CDH12: variants seen among roughly 807,000 people sequenced by gnomAD.
CDH12 encodes cadherin-12.
In CDH12, 41 loss-of-function variants were observed where a neutral mutation model predicts 74.1. The ratio of observed to expected loss-of-function variants is 0.55; its 90% CI spans 0.43 to 0.72. The LOEUF is 0.72. Ranked by LOEUF, CDH12 falls within the 30% of genes least tolerant of loss-of-function variation. The probability of loss-of-function intolerance (pLI) is 0.00; values close to 1 mark genes in which losing one functional copy is unlikely to be tolerated. For missense variants in CDH12, 945 were observed against 977.2 expected, an observed-to-expected ratio of 0.97 and a Z score of 0.44; for synonymous variants, 399 against 355.0, an observed-to-expected ratio of 1.12 and a Z score of -1.39.
At chr5:22,692,901 A>G (rs372638000) in intron 1 of CDH12, among the ~76,000 whole-genome samples, 11 of 152,286 alleles carry the variant, frequency 7.2e-5, no homozygotes, top group African/African-American at 2.4e-4. Context: ...TGATGAACAA[A>G]CAGATATTTC....
intron 1 of CDH12, among the ~76,000 whole-genome samples, chr5:22,811,910 C>T (rs954735153): frequency 3.3e-5 from 5 of 152,022 alleles, no homozygotes; most frequent in Non-Finnish European, 5.9e-5. Context: ...ATGAAAAGAT[C>T]GAAGTTAGAG....
At chr5:22,666,697 T>A (rs2126906728) in intron 1 of CDH12, among the ~76,000 whole-genome samples, 1 of 152,280 alleles carries the variant, frequency 6.6e-6, no homozygotes, top group Admixed American at 6.5e-5. Context: ...TTACTTACCT[T>A]CAATGTATTC....
At chr5:22,637,150 T>A (rs77835385) in intron 1 of CDH12, among the ~76,000 whole-genome samples, 6 of 152,338 alleles carry the variant, frequency 3.9e-5, no homozygotes, top group Admixed American at 2.6e-4. Context: ...TTTAATGTAT[T>A]ATATTCATAC....
intron 5 of CDH12, among the ~76,000 whole-genome samples, chr5:22,043,505 G>T (rs1054908563): frequency 6.6e-6 from 1 of 152,030 alleles, no homozygotes; most frequent in African/African-American, 2.4e-5. Context: ...AACAGGGAAA[G>T]AAAGTTTTTC....
chr5:21,862,879 G>A (rs1003706266), intron 6 of CDH12, among the ~76,000 whole-genome samples: 3 of 152,026 alleles, frequency 2.0e-5, no homozygotes, highest in African/African-American at 7.2e-5. Context: ...AACAGGTTGA[G>A]GTCCTCACCT....
chr5:22,456,072 A>G (rs1475846777), intron 2 of CDH12, among the ~76,000 whole-genome samples: 1 of 151,158 alleles, frequency 6.6e-6, no homozygotes, highest in African/African-American at 2.4e-5. Context: ...GAGACACACA[A>G]TAGCACGCCA....
At chr5:21,769,488 A>G (rs1439049171) in intron 11 of CDH12, among the ~76,000 whole-genome samples, 1 of 152,126 alleles carries the variant, frequency 6.6e-6, no homozygotes, top group Non-Finnish European at 1.5e-5. Context: ...TAGTATATTA[A>G]TTACCCTTCT....
intron 3 of CDH12, among the ~76,000 whole-genome samples, chr5:22,244,804 A>G (rs144308371): frequency 4.8e-4 from 58 of 120,366 alleles, no homozygotes; most frequent in African/African-American, 1.6e-3. Context: ...AAGAAAGAAA[A>G]ATTCAAAGTA....
intron 1 of CDH12, chr5:22,580,465 G>T (rs758198896): frequency 2.6e-5 from 13 of 509,450 alleles, no homozygotes; most frequent in Admixed American, 4.1e-5. Flanking sequence ...GCGACTGCAT[G>T]CGTGTCAGAC....
intron 4 of CDH12, among the ~76,000 whole-genome samples, chr5:22,096,470 C>G (rs1409459123): frequency 1.3e-5 from 2 of 152,088 alleles, no homozygotes; most frequent in Non-Finnish European, 2.9e-5. Flanking sequence ...TTTCTACAGA[C>G]ACATCTCACC....
intron 2 of CDH12, among the ~76,000 whole-genome samples, chr5:22,495,513 A>G (rs1747070582): frequency 6.6e-6 from 1 of 152,154 alleles, no homozygotes; most frequent in Admixed American, 6.5e-5. Flanking sequence ...AGCAGCTTCC[A>G]TATGGGAGGG....
At chr5:22,504,406 T>C (rs1470321369) in intron 2 of CDH12, among the ~76,000 whole-genome samples, 1 of 152,054 alleles carries the variant, frequency 6.6e-6, no homozygotes, top group Non-Finnish European at 1.5e-5. Context: ...ACTTCAGAAA[T>C]ATGGGCATGC....
At chr5:21,863,415 T>A (rs190153243) in intron 6 of CDH12, among the ~76,000 whole-genome samples, 1 of 152,190 alleles carries the variant, frequency 6.6e-6, no homozygotes, top group Non-Finnish European at 1.5e-5. Context: ...CTTTCAAAAC[T>A]CAGTACATGT....
intron 8 of CDH12, among the ~76,000 whole-genome samples, chr5:21,820,283 T>A (rs1050492143): frequency 6.6e-5 from 10 of 152,026 alleles, no homozygotes; most frequent in Non-Finnish European, 1.5e-4. Flanking sequence ...CAATTTAAGT[T>A]AAATAGGGTG....
chr5:21,921,563 T>C (rs1187967799), intron 6 of CDH12, among the ~76,000 whole-genome samples: 1 of 152,190 alleles, frequency 6.6e-6, no homozygotes, highest in African/African-American at 2.4e-5. Context: ...TATAACTCCT[T>C]TTTGAATTCA....
chr5:21,765,271 AT>A (rs1744958676), intron 11 of CDH12, among the ~76,000 whole-genome samples, 172 bp from the exon 12 acceptor site: 1 of 152,132 alleles, frequency 6.6e-6, no homozygotes, highest in Non-Finnish European at 1.5e-5. Context: ...GATCCTTTTT[AT>A]CTTTAGAATT....
At chr5:22,584,800 A>G (rs1249760271) in intron 1 of CDH12, among the ~76,000 whole-genome samples, 1 of 152,178 alleles carries the variant, frequency 6.6e-6, no homozygotes, top group Admixed American at 6.5e-5. Flanking sequence ...AATAAAATAC[A>G]TATACTGAAC....
intron 1 of CDH12, among the ~76,000 whole-genome samples, chr5:22,605,308 A>G (rs905583470): frequency 6.6e-6 from 1 of 152,132 alleles, no homozygotes; most frequent in Non-Finnish European, 1.5e-5. Context: ...CTCTTTCTCT[A>G]TATACATTCT....
At chr5:22,534,471 T>A (rs1012111257) in intron 1 of CDH12, among the ~76,000 whole-genome samples, 2 of 152,174 alleles carry the variant, frequency 1.3e-5, no homozygotes, top group Admixed American at 6.5e-5. Flanking sequence ...CATTCCTGAG[T>A]TTCTTCACTT....
Sources: allele counts gnomAD v4.1 joint callset (sites outside exome capture counted in the v4.1 genomes callset), GRCh38; gene constraint gnomAD v4.1.1; transcripts MANE v1.5; gene names NCBI Gene and HGNC (gene_info 2026-07-23, HGNC 2026-07-21).